Variants in SLC25A25 observed in about 807,000 individuals in gnomAD.
SLC25A25 encodes solute carrier family 25 member 25.
In SLC25A25, 32 loss-of-function variants were observed where a neutral mutation model predicts 57.7. That is an observed-to-expected ratio of 0.55 (90% CI 0.42 to 0.74). SLC25A25 has a LOEUF of 0.74. Among genes scored for constraint, SLC25A25 ranks in the 30% least tolerant of loss-of-function variants. SLC25A25 has a pLI of 0.00. For synonymous variants in SLC25A25, 306 were observed against 291.2 expected (o/e 1.05, Z -0.52); for missense variants, 556 against 701.3 (o/e 0.79, Z 2.34).
At chr9:128,100,408 C>G (rs1833740803) in intron 1 of SLC25A25, among the ~76,000 whole-genome samples, 1 of 152,114 alleles carries the variant, frequency 6.6e-6, no homozygotes, top group South Asian at 2.1e-4. Context: ...TCTTGGGACA[C>G]TAAAGTGCTT....
chr9:128,083,513 C>CTTTTTTTT (rs1315501906), intron 1 of SLC25A25, among the ~76,000 whole-genome samples: 12 of 117,454 alleles, frequency 1.0e-4, no homozygotes, highest in Non-Finnish European at 1.3e-4. Context: ...TTTCTTTTTT[C>CTTTTTTTT]TTTTTTTTTT....
At chr9:128,106,697 C>T (rs1402988335) in intron 9 of SLC25A25, among the ~76,000 whole-genome samples, 177 bp downstream of exon 9, 1 of 152,198 alleles carries the variant, frequency 6.6e-6, no homozygotes, top group Non-Finnish European at 1.5e-5. Context: ...CAGACCCCAG[C>T]AGCTCCTGTG....
In SLC25A25 at chr9:128,108,772, TC is replaced by T. The variant is rs1473769091; in HGVS notation, c.*1330del. On this transcript the variant is annotated 3_prime_UTR_variant, in exon 11 of 11. Coordinates refer to ENST00000373069, the MANE Select transcript of SLC25A25 (RefSeq NM_001330988.2). ...CAGAAGGCAGCAGCCCTGGCTCCTT[TC>T]CTTTGGCAGGTTGGGGAAGGGCTTG... 1 of 152,286 alleles carries T rather than the reference TC, an allele frequency of 6.6e-6. No individual in the cohort carries two copies. The highest frequency in any genetic ancestry group is 1.9e-4 in the East Asian group (1 of 5,202). The allele number at this position is 152,286 out of a possible 1,614,324, so 9.4% of individuals were successfully genotyped here. A position where few individuals can be genotyped will look rare whatever the true frequency, so the allele number is the denominator to read the frequency against.
intron 1 of SLC25A25, 106 bp from the exon 2 acceptor site, chr9:128,100,990 C>G (rs1833767577): frequency 6.7e-7 from 1 of 1,499,400 alleles, no homozygotes; most frequent in Non-Finnish European, 9.1e-7. Context: ...TTGGGGCCAG[C>G]TCTGCTCGCA....
intron 1 of SLC25A25, among the ~76,000 whole-genome samples, chr9:128,089,964 G>A (rs1054034102): frequency 6.6e-5 from 10 of 152,030 alleles, no homozygotes; most frequent in Admixed American, 1.3e-4. Flanking sequence ...TTATTTACAT[G>A]TGTATGTGTG....
chr9:128,103,564 CCTT>C lies in SLC25A25; in HGVS notation c.625-114_625-112del, dbSNP rs1191987611. ...CCCGCTTCCCACCCAGAGTCCTTGG[CCTT>C]CTCCCTGTCCTGTGGTCCCTGGCCT... On this transcript the variant is annotated intron_variant, in intron 5 of 10. Coordinates refer to ENST00000373069, the MANE Select transcript of SLC25A25 (RefSeq NM_001330988.2). The surrounding 1 kb of genome is among the most constrained non-coding windows in gnomAD (Gnocchi z 6.7). The C allele has an allele frequency of 8.4e-6, 11 of 1,307,644 alleles. No individual in the cohort carries two copies. Among genetic ancestry groups the C allele is most frequent in the South Asian group, 2.6e-5 (2 of 77,520 alleles). The allele number at this position is 1,307,644 out of a possible 1,614,324, so 81.0% of individuals were successfully genotyped here. A position where few individuals can be genotyped will look rare whatever the true frequency, so the allele number is the denominator to read the frequency against.
intron 1 of SLC25A25, among the ~76,000 whole-genome samples, chr9:128,082,531 C>T (rs1833177320): frequency 6.6e-6 from 1 of 152,222 alleles, no homozygotes; most frequent in Non-Finnish European, 1.5e-5. Context: ...AATAGCCTGG[C>T]ACTGCCATAT....
chr9:128,078,401 G>A lies in SLC25A25; in HGVS notation c.261+9821G>A, dbSNP rs1402551926. Among the ~76,000 whole-genome samples, 6 of 17,698 alleles carry A rather than the reference G, an allele frequency of 3.4e-4. No individual in the cohort carries two copies. In the Admixed American group the frequency reaches 5.0e-3, roughly 15 times the overall value. The allele number at this position is 17,698 out of a possible 152,430, so 11.6% of individuals were successfully genotyped here. A position where few individuals can be genotyped will look rare whatever the true frequency, so the allele number is the denominator to read the frequency against. ...CATTAAAGGGTGTGTGGCACCCAGG[G>A]AGACATAGCCCCACCCCAGCAACCT... On this transcript the variant is annotated intron_variant, in intron 1 of 10. Coordinates refer to ENST00000373069, the MANE Select transcript of SLC25A25 (RefSeq NM_001330988.2).
Position 128,099,018 on chromosome 9 carries a change from G to T in SLC25A25, c.262-2078G>T. On this transcript the variant is annotated intron_variant, in intron 1 of 10. Transcript: ENST00000373069. The surrounding 1 kb of genome is among the most constrained non-coding windows in gnomAD (Gnocchi z 6.8). ...GGGGGGTGTTCCTGAGAAGTACAGAGCCAGAAAGGGACCTGGGGGGCAGGC... is the reference window on the plus strand; with the variant it reads ...GGGGGGTGTTCCTGAGAAGTACAGATCCAGAAAGGGACCTGGGGGGCAGGC... The T allele has an allele frequency of 1.0e-6, 1 of 985,432 alleles. No homozygotes were observed. The highest frequency in any genetic ancestry group is 4.7e-5 in the South Asian group (1 of 21,290). 61.0% of individuals were successfully genotyped at this position (985,432 alleles called of 1,614,324 possible). A position where few individuals can be genotyped will look rare whatever the true frequency, so the allele number is the denominator to read the frequency against.
At chr9:128,096,396 C>A (rs1305467069) in intron 1 of SLC25A25, among the ~76,000 whole-genome samples, 1 of 152,144 alleles carries the variant, frequency 6.6e-6, no homozygotes, top group Non-Finnish European at 1.5e-5. Context: ...ATAATCTCAA[C>A]TACTCGGGAG....
chr9:128,099,385 G>A lies in SLC25A25; in HGVS notation c.262-1711G>A, dbSNP rs1339406438. Reference sequence around the variant, plus strand: ...TTGAGAATGCGTTGAAGCCAGCTGCGGTGAGCACACCCTCTGCTCTGGGTG... The same window carrying A: ...TTGAGAATGCGTTGAAGCCAGCTGCAGTGAGCACACCCTCTGCTCTGGGTG... On this transcript the variant is annotated intron_variant, in intron 1 of 10. Transcript: ENST00000373069. This position sits in a 1 kb window ranked among gnomAD's most constrained non-coding sequence, Gnocchi z 6.8. The A allele has an allele frequency of 5.5e-5, 66 of 1,195,920 alleles. No individual in the cohort carries two copies. Among genetic ancestry groups the A allele is most frequent in the Non-Finnish European group, 6.3e-5 (59 of 943,754 alleles). The allele number at this position is 1,195,920 out of a possible 1,614,324, so 74.1% of individuals were successfully genotyped here. A position where few individuals can be genotyped will look rare whatever the true frequency, so the allele number is the denominator to read the frequency against.
chr9:128,104,938 C>A (rs1833956167), intron 6 of SLC25A25, among the ~76,000 whole-genome samples: 1 of 150,882 alleles, frequency 6.6e-6, no homozygotes. Flanking sequence ...CTCACTGCAA[C>A]CTCCCTCACT....
At chr9:128,069,560 A>T (rs1472306096) in intron 1 of SLC25A25, among the ~76,000 whole-genome samples, 3 of 152,176 alleles carry the variant, frequency 2.0e-5, no homozygotes, top group Non-Finnish European at 4.4e-5. Context: ...GTATGAAAAG[A>T]ATCTGGTAAA....
intron 1 of SLC25A25, among the ~76,000 whole-genome samples, chr9:128,097,632 A>G (rs570389440): frequency 9.2e-5 from 14 of 152,254 alleles, no homozygotes; most frequent in Admixed American, 7.8e-4. Flanking sequence ...TTGAACAGCA[A>G]AGTTCTAGCT....
At chr9:128,082,232 G>A (rs893633669) in intron 1 of SLC25A25, among the ~76,000 whole-genome samples, 3 of 152,002 alleles carry the variant, frequency 2.0e-5, no homozygotes, top group Admixed American at 6.6e-5. Context: ...TAGATTTTCC[G>A]GTTCTGTTTC....
chr9:128,105,583 G>A, intron 6 of SLC25A25, 146 bp from the exon 7 acceptor site: 1 of 1,200,348 alleles, frequency 8.3e-7, no homozygotes, highest in East Asian at 2.4e-5. Context: ...GTTACTTTGG[G>A]CTCATGATTC....
intron 1 of SLC25A25, among the ~76,000 whole-genome samples, chr9:128,086,189 A>G (rs963619321): frequency 5.9e-5 from 9 of 151,496 alleles, no homozygotes; most frequent in African/African-American, 1.9e-4. Flanking sequence ...TTTAGACAAG[A>G]TCTCACTCTG....
chr9:128,088,951 G>T (rs1206944799), intron 1 of SLC25A25, among the ~76,000 whole-genome samples: 1 of 152,118 alleles, frequency 6.6e-6, no homozygotes, highest in South Asian at 2.1e-4. Context: ...TTGAGGCAGG[G>T]TCTCACTCTG....
At chr9:128,075,130 C>G (rs1218022376) in intron 1 of SLC25A25, among the ~76,000 whole-genome samples, 2 of 144,622 alleles carry the variant, frequency 1.4e-5, no homozygotes, top group Non-Finnish European at 3.0e-5. Context: ...GAGTGAGATT[C>G]CATCTCAACA....
Sources: allele counts gnomAD v4.1 joint callset (sites outside exome capture counted in the v4.1 genomes callset), GRCh38; gene constraint gnomAD v4.1.1; non-coding constraint Gnocchi (gnomAD v3.1); transcripts MANE v1.5; gene names NCBI Gene and HGNC (gene_info 2026-07-23, HGNC 2026-07-21).